Variants in STAU2 observed in about 807,000 individuals in gnomAD.
STAU2 encodes the protein double-stranded RNA-binding protein Staufen homolog 2.
STAU2 carries 20 observed loss-of-function variants against 65.9 expected under a neutral mutation model. The ratio of observed to expected loss-of-function variants is 0.30; its 90% CI spans 0.21 to 0.44. STAU2 has a LOEUF of 0.44. Ranked by LOEUF, STAU2 falls within the 20% of genes least tolerant of loss-of-function variation. The probability of loss-of-function intolerance (pLI) is 1.00; values close to 1 mark genes in which losing one functional copy is unlikely to be tolerated. For missense variants in STAU2, 558 were observed against 683.9 expected, an observed-to-expected ratio of 0.82 and a Z score of 2.05; for synonymous variants, 232 against 233.9, an observed-to-expected ratio of 0.99 and a Z score of 0.07.
At chr8:73,551,617 A>C in intron 13 of STAU2, 1 of 991,712 alleles carries the variant, frequency 1.0e-6, no homozygotes, top group Non-Finnish European at 1.2e-6. Context: ...AAAGAAACTC[A>C]ATCCTTATGT....
intron 13 of STAU2, among the ~76,000 whole-genome samples, chr8:73,509,765 T>C (rs576256854): frequency 6.6e-6 from 1 of 152,102 alleles, no homozygotes; most frequent in Non-Finnish European, 1.5e-5. Context: ...GTAAAAACAA[T>C]TACTGGGGAA....
At chr8:73,673,321 C>T (rs1817816420) in intron 5 of STAU2, 79 bp from the exon 6 acceptor site, 4 of 1,307,492 alleles carry the variant, frequency 3.1e-6, no homozygotes, top group African/African-American at 1.5e-5. Context: ...TTATACAACG[C>T]TTAAATACCA....
rs577139341 is a variant in STAU2, at chr8:73,692,279, C to A, written c.115-3466G>T. ...ATGGCACAATCTCGTCTCATTGCAA[C>A]CTCCGCCTCCCAAGTTCAAGTGATT... is the stretch of plus-strand genomic sequence containing the variant. On this transcript the variant is annotated intron_variant, in intron 4 of 14. Coordinates refer to ENST00000524300, the MANE Select transcript of STAU2 (RefSeq NM_001164380.2). Among the ~76,000 whole-genome samples the A allele has an allele frequency of 5.4e-4, 82 of 151,992 alleles. No individual in the cohort carries two copies. In the South Asian group the frequency reaches 8.9e-3, roughly 17 times the overall value.
intron 1 of STAU2, among the ~76,000 whole-genome samples, chr8:73,744,562 T>C (rs897647158): frequency 6.6e-5 from 10 of 152,232 alleles, no homozygotes; most frequent in Admixed American, 3.9e-4. Flanking sequence ...TCTGGATTGT[T>C]TGTATATTTA....
At chr8:73,542,240 C>CT (rs1040437922) in intron 13 of STAU2, among the ~76,000 whole-genome samples, 2 of 152,118 alleles carry the variant, frequency 1.3e-5, no homozygotes, top group African/African-American at 4.8e-5. Flanking sequence ...CAAAACACAA[C>CT]ATGACATACA....
At chr8:73,631,447 A>T (rs1346964642) in intron 6 of STAU2, among the ~76,000 whole-genome samples, 1 of 152,166 alleles carries the variant, frequency 6.6e-6, no homozygotes, top group Non-Finnish European at 1.5e-5. Context: ...TGTGCAGAAG[A>T]TAAGCTGATA....
chr8:73,637,185 G>T (rs1814587959), intron 6 of STAU2, among the ~76,000 whole-genome samples: 1 of 151,032 alleles, frequency 6.6e-6, no homozygotes, highest in Admixed American at 6.6e-5. Context: ...TAAAAAAAAG[G>T]TCTAACAGAA....
chr8:73,483,208 A>AG lies in STAU2; in HGVS notation c.1531-60507dup, dbSNP rs1294603390. ...GATTAAAAAGAATCACTTGGCCTGA[A>AG]GGAATTTTAACAACATAACATTAAG... On this transcript the variant is annotated intron_variant, in intron 13 of 14. Coordinates refer to ENST00000524300, the MANE Select transcript of STAU2 (RefSeq NM_001164380.2). Among the ~76,000 whole-genome samples the AG allele has an allele frequency of 3.9e-5, 6 of 152,238 alleles. No individual in the cohort carries two copies. The East Asian group carries it at 1.2e-3, about 29-fold the overall frequency.
At chr8:73,613,519 T>C (rs529557503) in intron 9 of STAU2, among the ~76,000 whole-genome samples, 4 of 152,314 alleles carry the variant, frequency 2.6e-5, no homozygotes, top group African/African-American at 7.2e-5. Context: ...AAGAAATACA[T>C]AAATACCTAA....
chr8:73,514,589 T>C (rs1822602620), intron 13 of STAU2, among the ~76,000 whole-genome samples: 1 of 152,226 alleles, frequency 6.6e-6, no homozygotes, highest in Non-Finnish European at 1.5e-5. Flanking sequence ...CCTTATAATC[T>C]GCCTTTCAAT....
intron 13 of STAU2, among the ~76,000 whole-genome samples, chr8:73,430,290 A>C (rs76983575): frequency 0.025 from 3,800 of 152,288 alleles, 66 homozygotes; most frequent in Middle Eastern, 0.044. Flanking sequence ...TGAAGGGTTT[A>C]ACTGTGATGT....
chr8:73,452,504 C>G (rs191381625), intron 13 of STAU2, among the ~76,000 whole-genome samples: 34 of 152,282 alleles, frequency 2.2e-4, no homozygotes, highest in African/African-American at 7.2e-4. Flanking sequence ...CCATTTCCCC[C>G]TGTAACAATA....
At chr8:73,538,769 C>T (rs1389444873) in intron 13 of STAU2, among the ~76,000 whole-genome samples, 1 of 151,652 alleles carries the variant, frequency 6.6e-6, no homozygotes, top group Admixed American at 6.6e-5. Flanking sequence ...ATACTTGCTA[C>T]TTGATTTGCA....
At chr8:73,743,979 C>T (rs893490078) in intron 1 of STAU2, among the ~76,000 whole-genome samples, 3 of 150,092 alleles carry the variant, frequency 2.0e-5, no homozygotes, top group Non-Finnish European at 4.4e-5. Flanking sequence ...ACCATGTTGG[C>T]CAGGCTGGTC....
At chr8:73,582,713 T>C (rs951125929) in intron 12 of STAU2, 57 bp downstream of exon 12, 49 of 1,496,004 alleles carry the variant, frequency 3.3e-5, no homozygotes, top group Admixed American at 1.5e-4. Flanking sequence ...CAGTGACAGC[T>C]AGTCACTGAG....
At chr8:73,469,806 T>G (rs181754698) in intron 13 of STAU2, among the ~76,000 whole-genome samples, 1 of 151,294 alleles carries the variant, frequency 6.6e-6, no homozygotes, top group African/African-American at 2.4e-5. Context: ...TAGAGCGAGG[T>G]TGTTTGACAA....
chr8:73,578,994 CA>C (rs397965780), intron 12 of STAU2, among the ~76,000 whole-genome samples: 1 of 147,972 alleles, frequency 6.8e-6, no homozygotes. Flanking sequence ...CCCACCCCCC[CA>C]AAAAAACCAA....
chr8:73,568,448 G>C (rs886415006), intron 12 of STAU2, among the ~76,000 whole-genome samples: 1 of 152,030 alleles, frequency 6.6e-6, no homozygotes, highest in Non-Finnish European at 1.5e-5. Flanking sequence ...TCGGGGGAGT[G>C]GGGGCAAAGC....
intron 13 of STAU2, among the ~76,000 whole-genome samples, chr8:73,464,882 G>C (rs575555004): frequency 3.9e-5 from 6 of 152,170 alleles, no homozygotes; most frequent in Non-Finnish European, 5.9e-5. Context: ...CTCTTTGTAA[G>C]CAATTTCAGA....
Sources: allele counts gnomAD v4.1 joint callset (sites outside exome capture counted in the v4.1 genomes callset), GRCh38; gene constraint gnomAD v4.1.1; transcripts MANE v1.5; gene names NCBI Gene and HGNC (gene_info 2026-07-23, HGNC 2026-07-21).